The following SHB variants were observed in gnomAD, a reference collection of about 807,000 sequenced individuals.
The protein encoded by SHB is SH2 domain containing adaptor protein B.
SHB carries 20 observed loss-of-function variants against 52.3 expected under a neutral mutation model. That is an observed-to-expected ratio of 0.38 (90% CI 0.27 to 0.56). SHB has a LOEUF of 0.56. Among genes scored for constraint, SHB ranks in the 20% least tolerant of loss-of-function variants. The probability of loss-of-function intolerance (pLI) is 0.71; values close to 1 mark genes in which losing one functional copy is unlikely to be tolerated. For synonymous variants in SHB, 397 were observed against 316.5 expected, an observed-to-expected ratio of 1.25 and a Z score of -2.70; for missense variants, 825 against 723.3, an observed-to-expected ratio of 1.14 and a Z score of -1.61.
At chr9:38,010,619 C>T (rs1333767775) in intron 2 of SHB, among the ~76,000 whole-genome samples, 1 of 152,232 alleles carries the variant, frequency 6.6e-6, no homozygotes, top group Non-Finnish European at 1.5e-5. Context: ...TTGGATCACC[C>T]AAATTGGAAG....
chr9:37,976,329 C>G (rs1169261824), intron 2 of SHB, among the ~76,000 whole-genome samples: 1 of 152,198 alleles, frequency 6.6e-6, no homozygotes, highest in African/African-American at 2.4e-5. Flanking sequence ...AGCCACCGCA[C>G]CCAGCCAACA....
intron 2 of SHB, among the ~76,000 whole-genome samples, chr9:37,998,616 C>A (rs901436799): frequency 1.2e-4 from 19 of 152,300 alleles, no homozygotes; most frequent in Non-Finnish European, 2.2e-4. Flanking sequence ...CCACGCCCAG[C>A]TAATTTTTGA....
At chr9:38,067,468 G>A (rs184143541) in intron 1 of SHB, among the ~76,000 whole-genome samples, 33 of 152,236 alleles carry the variant, frequency 2.2e-4, no homozygotes, top group African/African-American at 7.2e-4. Flanking sequence ...GAGACAGCCG[G>A]TCCGGATCTG....
chr9:38,012,734 T>A (rs1239235378), intron 2 of SHB, among the ~76,000 whole-genome samples: 6 of 151,382 alleles, frequency 4.0e-5, no homozygotes. Flanking sequence ...GTACGCCACC[T>A]GCGGCACACG....
At chr9:37,924,477 A>C (rs1299151132) in intron 5 of SHB, among the ~76,000 whole-genome samples, 2 of 152,218 alleles carry the variant, frequency 1.3e-5, no homozygotes, top group African/African-American at 4.8e-5. Flanking sequence ...TATAATATTT[A>C]TGCAGGAGAA....
chr9:38,000,982 G>T (rs1821005872), intron 2 of SHB, among the ~76,000 whole-genome samples: 1 of 152,210 alleles, frequency 6.6e-6, no homozygotes, highest in Admixed American at 6.5e-5. Context: ...TCTCGCCAGG[G>T]TGGTGTGAGA....
At chr9:37,986,893 C>T (rs1820814107) in intron 2 of SHB, among the ~76,000 whole-genome samples, 1 of 152,226 alleles carries the variant, frequency 6.6e-6, no homozygotes, top group Admixed American at 6.5e-5. Context: ...ATCGACAGAC[C>T]ACAGCTGCAC....
chr9:38,068,014 C>G lies in SHB; in HGVS notation c.632G>C (p.Ser211Thr). The part of the protein sequence containing the change: ...GGACAGGRTW[S>T]PTACGGKKLL... ...TTTCTTGCCTCCGCAGGCCGTCGGGCTCCAGGTGCGGCCGCCCGCGCAGGC... is the reference window on the plus strand; with the variant it reads ...TTTCTTGCCTCCGCAGGCCGTCGGGGTCCAGGTGCGGCCGCCCGCGCAGGC... The change falls in exon 1 of 6, where the codon AGC becomes ACC. Residue 211 changes from serine (S) to threonine (T), a missense_variant. Coordinates refer to ENST00000377707, the MANE Select transcript of SHB (RefSeq NM_003028.3). The G allele has an allele frequency of 1.3e-6, 2 of 1,518,976 alleles. No individual in the cohort carries two copies. The highest frequency in any genetic ancestry group is 2.4e-5 in the South Asian group (2 of 81,678). The allele number at this position is 1,518,976 out of a possible 1,614,324, so 94.1% of individuals were successfully genotyped here.
At chr9:38,026,460 C>CA (rs1219227469) in intron 1 of SHB, among the ~76,000 whole-genome samples, 1 of 152,366 alleles carries the variant, frequency 6.6e-6, no homozygotes, top group Non-Finnish European at 1.5e-5. Context: ...ACATTTCCCA[C>CA]AGGGGAGCTA....
intron 2 of SHB, among the ~76,000 whole-genome samples, chr9:37,983,273 G>A (rs946427072): frequency 2.6e-5 from 4 of 152,316 alleles, no homozygotes; most frequent in South Asian, 2.1e-4. Context: ...ATGTGGCGGC[G>A]AAAATGGGTA....
At chr9:38,061,871 G>A (rs1335649622) in intron 1 of SHB, among the ~76,000 whole-genome samples, 1 of 152,240 alleles carries the variant, frequency 6.6e-6, no homozygotes, top group Non-Finnish European at 1.5e-5. Flanking sequence ...AGACATGACA[G>A]TTACAAGACT....
intron 5 of SHB, among the ~76,000 whole-genome samples, chr9:37,937,742 G>A (rs987926309): frequency 2.6e-5 from 4 of 152,230 alleles, no homozygotes; most frequent in African/African-American, 9.6e-5. Context: ...CTGCCTCAAG[G>A]ACTGACAATG....
At chr9:37,957,743 G>C (rs1832652045) in intron 3 of SHB, among the ~76,000 whole-genome samples, 2 of 152,344 alleles carry the variant, frequency 1.3e-5, no homozygotes, top group South Asian at 4.1e-4. Flanking sequence ...GGAGAGACAG[G>C]CAATAAATCA....
At chr9:37,953,367 C>T (rs1031124876) in intron 4 of SHB, among the ~76,000 whole-genome samples, 2 of 151,866 alleles carry the variant, frequency 1.3e-5, no homozygotes, top group Non-Finnish European at 2.9e-5. Context: ...AAGTTCCTGC[C>T]CTCATGGAGT....
At chr9:37,997,182 C>T (rs1458816531) in intron 2 of SHB, among the ~76,000 whole-genome samples, 2 of 152,214 alleles carry the variant, frequency 1.3e-5, no homozygotes, top group Non-Finnish European at 2.9e-5. Flanking sequence ...TCTGTAAGTT[C>T]TTGAAGCTGC....
intron 4 of SHB, among the ~76,000 whole-genome samples, chr9:37,950,695 G>C (rs555065282): frequency 6.6e-6 from 1 of 152,154 alleles, no homozygotes; most frequent in African/African-American, 2.4e-5. Context: ...TGACCAGGCG[G>C]CTTCTATTAA....
rs917955646 is a variant in SHB, at chr9:38,015,603, G to A, written c.838+408C>T. The A allele has an allele frequency of 8.0e-5, 49 of 611,040 alleles. No homozygotes were observed. The East Asian group carries it at 8.2e-4, about 10-fold the overall frequency. 37.9% of individuals were successfully genotyped at this position (611,040 alleles called of 1,614,324 possible). ...GGCCAGCTCTCTTCTACTAAGCAACGAAAGCCAGGTGACCCAGCCTGCTTC... is the reference window on the plus strand; with the variant it reads ...GGCCAGCTCTCTTCTACTAAGCAACAAAAGCCAGGTGACCCAGCCTGCTTC... On this transcript the variant is annotated intron_variant, in intron 2 of 5. Transcript: ENST00000377707.
chr9:38,067,183 G>A (rs1352203070), intron 1 of SHB, among the ~76,000 whole-genome samples: 1 of 152,194 alleles, frequency 6.6e-6, no homozygotes, highest in Non-Finnish European at 1.5e-5. Flanking sequence ...ATGGGGTAGG[G>A]GTGAGGTCAG....
At chr9:38,008,425 TTGA>T (rs1821097097) in intron 2 of SHB, among the ~76,000 whole-genome samples, 1 of 152,242 alleles carries the variant, frequency 6.6e-6, no homozygotes, top group African/African-American at 2.4e-5. Context: ...CTATTTACAC[TTGA>T]TGATCTCCTT....
Sources: gnomAD v4.1 joint callset for allele counts (sites outside exome capture counted in the v4.1 genomes callset) on GRCh38, gnomAD v4.1.1 for gene constraint, MANE v1.5 for transcripts, NCBI Gene and HGNC (gene_info 2026-07-23, HGNC 2026-07-21) for gene names.